The following RAP1A variants were observed in gnomAD, a reference collection of about 807,000 sequenced individuals.
The protein encoded by RAP1A is ras-related protein Rap-1A.
A neutral mutation model predicts 26.4 loss-of-function variants in RAP1A; 6 were observed. The ratio of observed to expected loss-of-function variants is 0.23; its 90% confidence interval spans 0.12 to 0.45. The LOEUF (loss-of-function observed/expected upper bound fraction) is 0.45, where lower values mean the gene tolerates loss of function less well. RAP1A is among the 20% of genes least tolerant of loss of function. The probability of loss-of-function intolerance (pLI) is 0.99; values close to 1 mark genes in which losing one functional copy is unlikely to be tolerated. For missense variants in RAP1A, 121 were observed against 217.2 expected, an observed-to-expected ratio of 0.56 and a Z score of 2.78; for synonymous variants, 73 against 79.4, an observed-to-expected ratio of 0.92 and a Z score of 0.43.
intron 1 of RAP1A, among the ~76,000 whole-genome samples, chr1:111,635,322 A>G (rs1381381391): frequency 2.0e-5 from 3 of 152,246 alleles, no homozygotes; most frequent in Non-Finnish European, 1.5e-5. Context: ...TATAAATGGT[A>G]TGCAAAATCT....
At chr1:111,659,474 A>T (rs1474264997) in intron 1 of RAP1A, among the ~76,000 whole-genome samples, 2 of 150,540 alleles carry the variant, frequency 1.3e-5, no homozygotes, top group East Asian at 3.9e-4. Context: ...GACAACATAT[A>T]GTTGGGTCTT....
chr1:111,562,451 T>C (rs1657777968), intron 1 of RAP1A, among the ~76,000 whole-genome samples: 1 of 152,216 alleles, frequency 6.6e-6, no homozygotes. Context: ...TTAATCATTA[T>C]TGGTCATGTA....
chr1:111,617,934 T>G (rs1659048419), upstream of RAP1A, among the ~76,000 whole-genome samples: 1 of 151,926 alleles, frequency 6.6e-6, no homozygotes, highest in African/African-American at 2.4e-5. Context: ...TCCCAGCTGC[T>G]TTGGAGGCTG....
chr1:111,632,140 T>A (rs936063845), intron 1 of RAP1A, among the ~76,000 whole-genome samples: 1 of 152,052 alleles, frequency 6.6e-6, no homozygotes, highest in Non-Finnish European at 1.5e-5. Flanking sequence ...TGTCTTCTAT[T>A]AGAATATCAA....
intron 1 of RAP1A, among the ~76,000 whole-genome samples, chr1:111,550,716 A>AG (rs1479903289): frequency 1.3e-5 from 2 of 152,216 alleles, no homozygotes; most frequent in African/African-American, 2.4e-5. Flanking sequence ...GCAGGCCTTG[A>AG]ACTCCTAGGC....
Position 111,715,557 on chromosome 1 carries a change from TG to T in RAP1A, c.*3159del, listed in dbSNP as rs1447281907. ...CCTAGTTTTCTGAACTGCAGCTGCA[TG>T]GGTAATTATCTTAAGAACTTTTGGC... On this transcript the variant is annotated 3_prime_UTR_variant, in exon 8 of 8. Coordinates refer to ENST00000369709, the MANE Select transcript of RAP1A (RefSeq NM_002884.4). 1.3e-5 allele frequency: 2 copies of T among 152,192 alleles called. No individual in the cohort carries two copies. The highest frequency in any genetic ancestry group is 6.5e-5 in the Admixed American group (1 of 15,282). The allele number at this position is 152,192 out of a possible 1,614,324, so 9.4% of individuals were successfully genotyped here. A position where few individuals can be genotyped will look rare whatever the true frequency, so the allele number is the denominator to read the frequency against.
intron 1 of RAP1A, among the ~76,000 whole-genome samples, chr1:111,564,680 T>C (rs1181005526): frequency 6.6e-6 from 1 of 151,786 alleles, no homozygotes; most frequent in Non-Finnish European, 1.5e-5. Flanking sequence ...ACCCGGCTAA[T>C]TTTTTGTATT....
chr1:111,631,837 A>G (rs1028049631), intron 1 of RAP1A, among the ~76,000 whole-genome samples: 2 of 152,200 alleles, frequency 1.3e-5, no homozygotes, highest in African/African-American at 4.8e-5. Flanking sequence ...AATAAAGACC[A>G]AACACTTACA....
In RAP1A at chr1:111,712,635, T is replaced by C. The variant is rs1662419525; in HGVS notation, c.*234T>C. The C allele has an allele frequency of 6.6e-6, 1 of 152,556 alleles. No homozygotes were observed. The highest frequency in any genetic ancestry group is 2.1e-4 in the South Asian group (1 of 4,834). The allele number at this position is 152,556 out of a possible 1,614,324, so 9.5% of individuals were successfully genotyped here. ...AGACAATAGTATTTCTCCTTTGCAA[T>C]AGCAGTTATAACAGATGTGAAAATA... On this transcript the variant is annotated 3_prime_UTR_variant, in exon 8 of 8. Coordinates refer to ENST00000369709, the MANE Select transcript of RAP1A (RefSeq NM_002884.4).
chr1:111,679,796 A>G (rs955783954), intron 1 of RAP1A, among the ~76,000 whole-genome samples: 12 of 152,210 alleles, frequency 7.9e-5, no homozygotes, highest in African/African-American at 2.2e-4. Context: ...CGGGAAGGTC[A>G]GACTGCAGCA....
chr1:111,607,563 G>GCT, intron 1 of RAP1A, among the ~76,000 whole-genome samples: 1 of 151,014 alleles, frequency 6.6e-6, no homozygotes, highest in South Asian at 2.1e-4. Context: ...CGGGCAGAGG[G>GCT]GCTCCTCACT....
intron 1 of RAP1A, among the ~76,000 whole-genome samples, chr1:111,598,296 G>C (rs370722298): frequency 6.6e-6 from 1 of 152,154 alleles, no homozygotes; most frequent in South Asian, 2.1e-4. Context: ...TTTAAACTTT[G>C]TAACAACCCT....
Position 111,559,372 on chromosome 1 carries a change from G to A in RAP1A, c.-28+16863G>A, listed in dbSNP as rs943967213. ...TGAACACCCACTATTAGGCATTTAC[G>A]ATTCAGCAGTGACCTAAAAAAAATC... On this transcript the variant is annotated intron_variant, in intron 1 of 7. Coordinates refer to the RAP1A transcript ENST00000356415. 9.2e-5 allele frequency among the ~76,000 whole-genome samples: 14 copies of A among 152,072 alleles called. No individual in the cohort carries two copies. The South Asian group carries it at 1.4e-3, about 16-fold the overall frequency.
At chr1:111,700,590 C>T (rs2101278587) in intron 4 of RAP1A, among the ~76,000 whole-genome samples, 1 of 152,300 alleles carries the variant, frequency 6.6e-6, no homozygotes, top group Middle Eastern at 3.4e-3. Flanking sequence ...GACAAACATC[C>T]AAACAATATC....
intron 1 of RAP1A, among the ~76,000 whole-genome samples, chr1:111,549,637 G>A (rs1429591878): frequency 2.0e-5 from 3 of 146,368 alleles, no homozygotes; most frequent in African/African-American, 7.7e-5. Context: ...GCAACAGAGT[G>A]AGACTCTGTT....
chr1:111,678,442 C>T lies in RAP1A; in HGVS notation c.-27-12892C>T, dbSNP rs533629509. Among the ~76,000 whole-genome samples the T allele has an allele frequency of 4.6e-5, 7 of 152,254 alleles. No individual in the cohort carries two copies. The East Asian group carries it at 9.6e-4, about 21-fold the overall frequency. ...ATAGAAATACAGTCACATGTTGCTT[C>T]ATAATGGGGAGAAATGCCTTGTTAG... On this transcript the variant is annotated intron_variant, in intron 1 of 7. Transcript: ENST00000369709.
chr1:111,590,137 G>A (rs542953263), intron 1 of RAP1A, among the ~76,000 whole-genome samples: 1 of 151,738 alleles, frequency 6.6e-6, no homozygotes, highest in Non-Finnish European at 1.5e-5. Context: ...TTTTAATCTT[G>A]TTTCTGTGGA....
At chr1:111,543,879 C>CAG (rs1656939451) in intron 1 of RAP1A, among the ~76,000 whole-genome samples, 1 of 152,058 alleles carries the variant, frequency 6.6e-6, no homozygotes, top group Admixed American at 6.5e-5. Context: ...TGGGCCTTCT[C>CAG]AGAGAGAGAG....
rs2101323418 is a variant in RAP1A at position 111,712,935 on chromosome 1, T to C, written c.*534T>C. 6.6e-6 allele frequency: 1 copy of C among 152,628 alleles called. No homozygotes were observed. The highest frequency in any genetic ancestry group is 1.5e-5 in the Non-Finnish European group (1 of 67,942). The allele number at this position is 152,628 out of a possible 1,614,324, so 9.5% of individuals were successfully genotyped here. A position where few individuals can be genotyped will look rare whatever the true frequency, so the allele number is the denominator to read the frequency against. On this transcript the variant is annotated 3_prime_UTR_variant, in exon 8 of 8. Coordinates refer to ENST00000369709, the MANE Select transcript of RAP1A (RefSeq NM_002884.4). Reference sequence around the variant, plus strand: ...ATCTGTCATTATATTCTAATTAAAATTGTGCATAATGCTTTGGAAAAATGG... The same window carrying C: ...ATCTGTCATTATATTCTAATTAAAACTGTGCATAATGCTTTGGAAAAATGG...
Sources: gnomAD v4.1 joint callset for allele counts (sites outside exome capture counted in the v4.1 genomes callset) on GRCh38, gnomAD v4.1.1 for gene constraint, MANE v1.5 for transcripts, NCBI Gene and HGNC (gene_info 2026-07-23, HGNC 2026-07-21) for gene names.